The following GRHL2 variants were observed in gnomAD, a reference collection of about 807,000 sequenced individuals.
GRHL2 encodes the protein grainyhead-like protein 2 homolog.
Under a neutral mutation model 83.8 loss-of-function variants are expected in GRHL2, and 21 were observed. The observed-to-expected ratio is 0.25, with a 90% CI of 0.18 to 0.36. GRHL2 has a LOEUF of 0.36. GRHL2 is among the 10% of genes least tolerant of loss of function. The probability of loss-of-function intolerance (pLI) is 1.00; values close to 1 mark genes in which losing one functional copy is unlikely to be tolerated. For synonymous variants in GRHL2, 280 were observed against 278.9 expected (o/e 1.00, Z -0.04); for missense variants, 623 against 781.8 (o/e 0.80, Z 2.42).
chr8:101,619,405 A>C, intron 8 of GRHL2, 134 bp from the exon 9 acceptor site: 2 of 726,900 alleles, frequency 2.8e-6, no homozygotes, highest in South Asian at 1.6e-5. Context: ...TTTTTATGTG[A>C]AAAGAATATC....
intron 1 of GRHL2, among the ~76,000 whole-genome samples, chr8:101,536,296 A>G (rs980770969): frequency 6.6e-6 from 1 of 152,226 alleles, no homozygotes; most frequent in African/African-American, 2.4e-5. Flanking sequence ...TATGAAGATT[A>G]TTTCACTAGC....
chr8:101,657,031 G>T (rs1186608256), intron 14 of GRHL2, among the ~76,000 whole-genome samples: 4 of 152,170 alleles, frequency 2.6e-5, no homozygotes, highest in Non-Finnish European at 5.9e-5. Flanking sequence ...AAAGAAAAAG[G>T]TCGCTCATGG....
intron 1 of GRHL2, among the ~76,000 whole-genome samples, chr8:101,510,923 A>G (rs931735355): frequency 2.0e-5 from 3 of 151,600 alleles, no homozygotes; most frequent in Non-Finnish European, 4.4e-5. Flanking sequence ...ACATGGCGAA[A>G]CCCCGTCTCT....
At position 101,650,928 on chromosome 8, in the gene GRHL2, G is replaced by A. The variant is rs142527572; in HGVS notation, c.1698+1429G>A. On this transcript the variant is annotated intron_variant, in intron 14 of 15. Coordinates refer to ENST00000646743, the MANE Select transcript of GRHL2 (RefSeq NM_024915.4). ...AACAAGTCCCCAGGCAATTCCGAGT[G>A]GAGCATCAAGGACCTCCGTCTAAGA... Among the ~76,000 whole-genome samples the A allele has an allele frequency of 6.6e-3, 1,011 of 152,152 alleles. 10 individuals are homozygous for A. The highest frequency in any genetic ancestry group is 0.014 in the Middle Eastern group (4 of 294).
At chr8:101,538,309 A>C (rs1054484388) in intron 1 of GRHL2, among the ~76,000 whole-genome samples, 11 of 152,252 alleles carry the variant, frequency 7.2e-5, no homozygotes, top group African/African-American at 2.6e-4. Flanking sequence ...GGAGCCTTGG[A>C]GACTGGCTGG....
chr8:101,552,897 A>C, intron 3 of GRHL2, 115 bp downstream of exon 3: 3 of 986,800 alleles, frequency 3.0e-6, no homozygotes, highest in South Asian at 1.4e-5. Context: ...AGCATCATCT[A>C]TCTGTCTTTT....
chr8:101,627,485 C>T (rs1017660026), intron 9 of GRHL2, among the ~76,000 whole-genome samples: 1 of 152,054 alleles, frequency 6.6e-6, no homozygotes, highest in African/African-American at 2.4e-5. Context: ...CAGCTGTTCC[C>T]TAGTCTCTCT....
rs11382067 is a variant in GRHL2, at chr8:101,592,100, C to CTTTTTTTTTTTTT, written c.1004-6947_1004-6935dup. ...GTACAGCACTTTCTTTCTTTCTTTTCTTTTTTTTTTTTTTTTTTTTTTGAG... is the reference window on the plus strand; with the variant it reads ...GTACAGCACTTTCTTTCTTTCTTTTCTTTTTTTTTTTTTTTTTTTTTTTTTTTTTTTTTTTGAG... On this transcript the variant is annotated intron_variant, in intron 7 of 15. Transcript: ENST00000646743. Among the ~76,000 whole-genome samples, 37 of 90,308 alleles carry CTTTTTTTTTTTTT rather than the reference C, an allele frequency of 4.1e-4. 2 individuals are homozygous for CTTTTTTTTTTTTT. The highest frequency in any genetic ancestry group is 1.0e-3 in the East Asian group (3 of 2,988). The allele number at this position is 90,308 out of a possible 152,430, so 59.2% of individuals were successfully genotyped here. A position where few individuals can be genotyped will look rare whatever the true frequency, so the allele number is the denominator to read the frequency against.
downstream of GRHL2, among the ~76,000 whole-genome samples, chr8:101,671,492 C>A (rs1308515536): frequency 1.3e-5 from 2 of 151,032 alleles, no homozygotes; most frequent in African/African-American, 4.9e-5. Flanking sequence ...GGGAGGGGCA[C>A]CTGCAATTGC....
At chr8:101,502,406 C>A (rs58411015) in intron 1 of GRHL2, among the ~76,000 whole-genome samples, 1 of 152,118 alleles carries the variant, frequency 6.6e-6, no homozygotes, top group African/African-American at 2.4e-5. Flanking sequence ...CCAAAATCAA[C>A]GGTGGTCTGA....
intron 7 of GRHL2, among the ~76,000 whole-genome samples, chr8:101,591,288 G>A (rs985716496): frequency 5.9e-5 from 9 of 152,112 alleles, no homozygotes; most frequent in Admixed American, 2.0e-4. Flanking sequence ...GCACTGCAAC[G>A]TTTATCATCA....
chr8:101,641,673 T>G (rs2129656406), intron 12 of GRHL2, among the ~76,000 whole-genome samples: 1 of 152,266 alleles, frequency 6.6e-6, no homozygotes, highest in Admixed American at 6.5e-5. Flanking sequence ...TCATTCTACA[T>G]AATAACCACC....
intron 3 of GRHL2, 123 bp downstream of exon 3, chr8:101,552,905 T>A: frequency 1.1e-6 from 1 of 933,368 alleles, no homozygotes; most frequent in Non-Finnish European, 1.7e-6. Flanking sequence ...CTATCTGTCT[T>A]TTGAGTCTGG....
At position 101,669,664 on chromosome 8, in the gene GRHL2, G is replaced by GTTAT. The variant is rs1416852858; in HGVS notation, c.*2964_*2967dup. ...GGGGAATCTATAAACTATAAATACA[G>GTTAT]TTATTTTATTTTTTGTACATTTTTA... On this transcript the variant is annotated 3_prime_UTR_variant, in exon 16 of 16. Transcript: ENST00000646743. 1 of 149,850 alleles carries GTTAT rather than the reference G, an allele frequency of 6.7e-6. No homozygotes were observed. The highest frequency in any genetic ancestry group is 1.5e-5 in the Non-Finnish European group (1 of 67,654). 9.3% of individuals were successfully genotyped at this position (149,850 alleles called of 1,614,324 possible). A position where few individuals can be genotyped will look rare whatever the true frequency, so the allele number is the denominator to read the frequency against.
intron 14 of GRHL2, among the ~76,000 whole-genome samples, chr8:101,658,621 G>A (rs1244452780): frequency 1.3e-5 from 2 of 152,094 alleles, no homozygotes; most frequent in Non-Finnish European, 2.9e-5. Context: ...TTTGTGAGCC[G>A]AGGTGTTCCC....
intron 1 of GRHL2, among the ~76,000 whole-genome samples, chr8:101,504,587 C>A (rs908723836): frequency 2.0e-5 from 3 of 151,692 alleles, no homozygotes; most frequent in African/African-American, 7.3e-5. Flanking sequence ...ACAGGGAGAG[C>A]CTGGAATATG....
rs529691004 is a variant in GRHL2, at chr8:101,603,812, CT to C, written c.1098+4662del. On this transcript the variant is annotated intron_variant, in intron 8 of 15. Coordinates refer to ENST00000646743, the MANE Select transcript of GRHL2 (RefSeq NM_024915.4). ...AATGTGAACAGGCGTCCCTGGGCTT[CT>C]GATATCTAGGAGGACAAGGTTCTGA... Among the ~76,000 whole-genome samples, 353 of 152,142 alleles carry C rather than the reference CT, an allele frequency of 2.3e-3. 2 individuals carry two copies. The highest frequency in any genetic ancestry group is 6.8e-3 in the Middle Eastern group (2 of 294).
In GRHL2 at chr8:101,522,764, C is replaced by CAT. The variant is rs966512266; in HGVS notation, c.21-20465_21-20464dup. Among the ~76,000 whole-genome samples, 62 of 149,354 alleles carry CAT rather than the reference C, an allele frequency of 4.2e-4. No individual in the cohort carries two copies. The South Asian group carries it at 4.9e-3, about 12-fold the overall frequency. On this transcript the variant is annotated intron_variant, in intron 1 of 15. Transcript: ENST00000646743. The stretch of plus-strand genomic sequence containing the variant: ...ATATATATATATACACACACATATA[C>CAT]ATATATATATATAAACATCTATATC...
the GRHL2 span, among the ~76,000 whole-genome samples, chr8:101,674,957 C>A: frequency 6.6e-6 from 1 of 152,094 alleles, no homozygotes; most frequent in Non-Finnish European, 1.5e-5. Context: ...AGGACAAAAA[C>A]CACATGATTA....
Sources: gnomAD v4.1 joint callset for allele counts (sites outside exome capture counted in the v4.1 genomes callset) on GRCh38, gnomAD v4.1.1 for gene constraint, MANE v1.5 for transcripts, NCBI Gene and HGNC (gene_info 2026-07-23, HGNC 2026-07-21) for gene names.